GBX1: variants seen among roughly 807,000 people sequenced by gnomAD.
GBX1 encodes the protein homeobox protein GBX-1.
GBX1 carries 9 observed loss-of-function variants against 22.9 expected under a neutral mutation model. The observed-to-expected ratio is 0.39, with a 90% CI of 0.24 to 0.69. The LOEUF is 0.69. Ranked by LOEUF, GBX1 falls within the 30% of genes least tolerant of loss-of-function variation. The pLI, the probability that GBX1 is intolerant of heterozygous loss-of-function variation, is 0.43. For missense variants in GBX1, 494 were observed against 509.2 expected, an observed-to-expected ratio of 0.97 and a Z score of 0.29; for synonymous variants, 203 against 227.3, an observed-to-expected ratio of 0.89 and a Z score of 0.96.
chr7:151,161,058 A>G (rs1220662705), intron 1 of GBX1, among the ~76,000 whole-genome samples: 1 of 152,000 alleles, frequency 6.6e-6, no homozygotes, highest in Non-Finnish European at 1.5e-5. Context: ...CCTAATTCCA[A>G]ATCAGTTTCT....
chr7:151,163,352 C>G (rs188430227), intron 1 of GBX1, among the ~76,000 whole-genome samples: 13 of 151,966 alleles, frequency 8.6e-5, no homozygotes, highest in African/African-American at 3.1e-4. Context: ...CTCCATTATT[C>G]CTAATACACT....
At chr7:151,151,150 C>G (rs543661684) in intron 1 of GBX1, among the ~76,000 whole-genome samples, 1 of 152,182 alleles carries the variant, frequency 6.6e-6, no homozygotes, top group South Asian at 2.1e-4. Flanking sequence ...GGAGTGCTTC[C>G]TGTTTCTTCT....
rs993623161 is a variant in GBX1, at chr7:151,148,243, T to TTC, written c.*344_*345dup. 3.9e-5 allele frequency among the ~76,000 whole-genome samples: 6 copies of TTC among 152,254 alleles called. No individual in the cohort carries two copies. The highest frequency in any genetic ancestry group is 1.4e-4 in the African/African-American group (6 of 41,538). ...TGTTCCCTCCACCCATCAGAAGCTGTTCCAGGGCATTTGCCACAGAACCTT... is the reference window on the plus strand; with the variant it reads ...TGTTCCCTCCACCCATCAGAAGCTGTTCTCCAGGGCATTTGCCACAGAACCTT... On this transcript the variant is annotated 3_prime_UTR_variant, in exon 2 of 2. Transcript: ENST00000297537. This position sits in a 1 kb window ranked among gnomAD's most constrained non-coding sequence, Gnocchi z 5.1.
At chr7:151,155,704 C>T (rs1404314848) in intron 1 of GBX1, among the ~76,000 whole-genome samples, 3 of 152,124 alleles carry the variant, frequency 2.0e-5, no homozygotes, top group Non-Finnish European at 1.5e-5. Context: ...CCTTTCAGGG[C>T]ATACTAACAT....
chr7:151,166,488 A>ACCCCCCCCCC (rs1491154351), intron 1 of GBX1, among the ~76,000 whole-genome samples: 1 of 50,354 alleles, frequency 2.0e-5, no homozygotes, highest in African/African-American at 1.3e-4. Flanking sequence ...CCCCCCCCCA[A>ACCCCCCCCCC]CACACACACA....
chr7:151,148,783 G>C lies in GBX1; in HGVS notation c.898C>G (p.Leu300Val), dbSNP rs1801043604. ...CAGATCTTGACCTGCACCTCACTGA[G>C]CTTGAGGGCGTGGGCGATCTGAGAG... ...ERSQIAHALK[L>V]SEVQVKIWFQ... Residue 300 changes from leucine to valine, a missense_variant, in exon 2 of 2, where the codon CTC becomes GTC. By Grantham distance (32) the Leu-to-Val change is conservative. Coordinates refer to ENST00000297537, the MANE Select transcript of GBX1 (RefSeq NM_001098834.3). The surrounding 1 kb of genome is among the most constrained non-coding windows in gnomAD (Gnocchi z 5.1). The C allele has an allele frequency of 6.2e-7, 1 of 1,614,080 alleles. No individual in the cohort carries two copies. Among genetic ancestry groups the C allele is most frequent in the East Asian group, 2.2e-5 (1 of 44,900 alleles).
rs372988521 is a variant in GBX1, at chr7:151,154,309, A to C, written c.539-5167T>G. On this transcript the variant is annotated intron_variant, in intron 1 of 1. Coordinates refer to ENST00000297537, the MANE Select transcript of GBX1 (RefSeq NM_001098834.3). ...TAAAAATGTTACATGGAAAATTGCA[A>C]GTTGTTGGTTTGCATGAAAAAAATT... 1.0e-3 allele frequency among the ~76,000 whole-genome samples: 157 copies of C among 152,358 alleles called. 4 individuals carry two copies. The East Asian group carries it at 0.015, about 15-fold the overall frequency.
In GBX1 at chr7:151,167,576, G is replaced by T. The variant is rs1486731857; in HGVS notation, c.-28C>A. Reference sequence around the variant, plus strand: ...TGTTCGGAGCTGCGGCCGCCCCGGGGCGCTCCTCTCTGGGCGCCTCCGTGC... The same window carrying T: ...TGTTCGGAGCTGCGGCCGCCCCGGGTCGCTCCTCTCTGGGCGCCTCCGTGC... On this transcript the variant is annotated 5_prime_UTR_variant, in exon 1 of 2. Transcript: ENST00000297537. This position sits in a 1 kb window ranked among gnomAD's most constrained non-coding sequence, Gnocchi z 5.9. 1 of 1,396,466 alleles carries T rather than the reference G, an allele frequency of 7.2e-7. No homozygotes were observed. The highest frequency in any genetic ancestry group is 9.2e-7 in the Non-Finnish European group (1 of 1,086,598). 86.5% of individuals were successfully genotyped at this position (1,396,466 alleles called of 1,614,324 possible).
At position 151,167,124 on chromosome 7, in the gene GBX1, C is replaced by T. The variant is rs769342346; in HGVS notation, c.425G>A (p.Arg142Gln). 1.2e-6 allele frequency: 2 copies of T among 1,602,510 alleles called. No individual in the cohort carries two copies. Among genetic ancestry groups the T allele is most frequent in the Non-Finnish European group, 8.5e-7 (1 of 1,176,328 alleles). Residue 142 changes from arginine to glutamine, a missense_variant, in exon 1 of 2, where the codon CGA becomes CAA. By Grantham distance (43) the Arg-to-Gln change is conservative. This residue lies in a region of GBX1 where 365 missense variants were observed against 340.4 expected (regional missense o/e 1.07). Coordinates refer to ENST00000297537, the MANE Select transcript of GBX1 (RefSeq NM_001098834.3). This position sits in a 1 kb window ranked among gnomAD's most constrained non-coding sequence, Gnocchi z 5.9. Reference protein sequence around the residue: ...AARNNPEPGGRRPEGGLEADE... With the variant: ...AARNNPEPGGQRPEGGLEADE... ...AGCTTCCAGCCCACCCTCTGGGCGT[C>T]GGCCGCCTGGCTCGGGGTTGTTTCG... is the stretch of plus-strand genomic sequence containing the variant.
At chr7:151,149,678 C>CA (rs141868670) in intron 1 of GBX1, 12,216 of 306,544 alleles carry the variant, frequency 0.04, 417 homozygotes, top group African/African-American at 0.098. Flanking sequence ...GAGAAGGGCT[C>CA]AGCCTTTGCA....
chr7:151,152,721 C>T (rs538997447), intron 1 of GBX1, among the ~76,000 whole-genome samples: 1 of 152,164 alleles, frequency 6.6e-6, no homozygotes, highest in African/African-American at 2.4e-5. Flanking sequence ...CTCCTGAGAT[C>T]GTATCATCCA....
intron 1 of GBX1, among the ~76,000 whole-genome samples, chr7:151,166,360 C>G (rs1041008663): frequency 1.3e-5 from 2 of 152,044 alleles, no homozygotes; most frequent in Non-Finnish European, 2.9e-5. Flanking sequence ...CTAGTCAGCA[C>G]TTGTCCAGCG....
chr7:151,158,140 C>G (rs897488948), intron 1 of GBX1, among the ~76,000 whole-genome samples: 1 of 152,148 alleles, frequency 6.6e-6, no homozygotes, highest in Admixed American at 6.5e-5. Context: ...ACTACCAACC[C>G]GAAGAGTTCT....
chr7:151,156,984 CAAAAAA>C (rs34479548), intron 1 of GBX1, among the ~76,000 whole-genome samples: 2,893 of 50,070 alleles, frequency 0.058, 123 homozygotes, highest in African/African-American at 0.19. Context: ...GACTCTGTCT[CAAAAAA>C]AAAAAAAAAA....
Position 151,149,189 on chromosome 7 carries a change from AAG to A in GBX1, c.539-49_539-48del, listed in dbSNP as rs759084993. On this transcript the variant is annotated intron_variant, in intron 1 of 1. Transcript: ENST00000297537. The stretch of plus-strand genomic sequence containing the variant: ...TGGATGGGGAGGGAGAAGCAAGAAA[AAG>A]AGAGTTTGGAGGAGGCCCATGGAAC... 18 of 1,553,770 alleles carry A rather than the reference AAG, an allele frequency of 1.2e-5. No individual in the cohort carries two copies. The South Asian group carries it at 1.3e-4, about 11-fold the overall frequency.
intron 1 of GBX1, among the ~76,000 whole-genome samples, chr7:151,156,992 A>ACAAAC: frequency 6.7e-6 from 1 of 150,188 alleles, no homozygotes; most frequent in East Asian, 2.0e-4. Flanking sequence ...CTCAAAAAAA[A>ACAAAC]AAAAAAAAAA....
chr7:151,151,875 C>T (rs1801083782), intron 1 of GBX1, among the ~76,000 whole-genome samples: 1 of 152,216 alleles, frequency 6.6e-6, no homozygotes, highest in Admixed American at 6.5e-5. Context: ...CACTACTCTT[C>T]ACCTAGATCT....
At chr7:151,156,412 A>AC (rs1801135508) in intron 1 of GBX1, among the ~76,000 whole-genome samples, 1 of 147,658 alleles carries the variant, frequency 6.8e-6, no homozygotes, top group South Asian at 2.1e-4. Context: ...AAAAAAAAAA[A>AC]AAAACGAAAA....
intron 1 of GBX1, among the ~76,000 whole-genome samples, chr7:151,154,769 G>C (rs1302989837): frequency 6.6e-6 from 1 of 152,204 alleles, no homozygotes; most frequent in South Asian, 2.1e-4. Context: ...CCTTCTAAGA[G>C]GAAGGGGAGC....
Sources: gnomAD v4.1 joint callset for allele counts (sites outside exome capture counted in the v4.1 genomes callset) on GRCh38, gnomAD v4.1.1 for gene constraint, gnomAD v4.1.1 regional missense constraint, Gnocchi (gnomAD v3.1) non-coding constraint, MANE v1.5 for transcripts, NCBI Gene and HGNC (gene_info 2026-07-23, HGNC 2026-07-21) for gene names.